Variants in SETBP1 observed in about 807,000 individuals in gnomAD.
The protein encoded by SETBP1 is SET-binding protein.
Under a neutral mutation model 101.0 loss-of-function variants are expected in SETBP1, and 9 were observed. That is an observed-to-expected ratio of 0.09 (90% CI 0.05 to 0.16). SETBP1 has a LOEUF of 0.16. SETBP1 is among the 10% of genes least tolerant of loss of function. SETBP1 has a pLI of 1.00. For synonymous variants in SETBP1, 818 were observed against 788.5 expected (o/e 1.04, Z -0.63); for missense variants, 1,858 against 2,033.8 (o/e 0.91, Z 1.66).
At chr18:44,905,561 A>G (rs1210689985) in intron 3 of SETBP1, among the ~76,000 whole-genome samples, 3 of 142,428 alleles carry the variant, frequency 2.1e-5, no homozygotes, top group Non-Finnish European at 4.6e-5. Context: ...TTCCTGAGAA[A>G]TAAAAGGGTT....
chr18:44,764,067 G>A (rs1237276754), intron 2 of SETBP1, among the ~76,000 whole-genome samples: 2 of 152,204 alleles, frequency 1.3e-5, no homozygotes, highest in Non-Finnish European at 1.5e-5. Flanking sequence ...TAAACCATCA[G>A]TCAAATTAGG....
chr18:44,841,618 A>G (rs553956414), intron 2 of SETBP1, among the ~76,000 whole-genome samples: 3 of 152,352 alleles, frequency 2.0e-5, no homozygotes, highest in Admixed American at 6.5e-5. Flanking sequence ...TGCCTCATCA[A>G]CTAGTCTCAT....
intron 2 of SETBP1, among the ~76,000 whole-genome samples, chr18:44,819,641 C>T (rs2072061760): frequency 6.6e-6 from 1 of 152,140 alleles, no homozygotes. Flanking sequence ...CATCCAGGCC[C>T]TGTGACTGCA....
chr18:44,763,840 A>C (rs1277466479), intron 2 of SETBP1, among the ~76,000 whole-genome samples: 1 of 152,048 alleles, frequency 6.6e-6, no homozygotes, highest in East Asian at 1.9e-4. Context: ...TCCTTTTCTG[A>C]ATCCTTTGCT....
At chr18:45,047,619 C>T (rs532134880) in intron 5 of SETBP1, among the ~76,000 whole-genome samples, 1 of 152,242 alleles carries the variant, frequency 6.6e-6, no homozygotes, top group South Asian at 2.1e-4. Context: ...GCATAGTGAG[C>T]CCAGCTGCAG....
intron 1 of SETBP1, among the ~76,000 whole-genome samples, chr18:44,683,520 T>G (rs2068792015): frequency 6.6e-6 from 1 of 152,218 alleles, no homozygotes; most frequent in Non-Finnish European, 1.5e-5. Flanking sequence ...AGGGGATGAA[T>G]CGATACTTGT....
chr18:44,996,608 A>G (rs945006914), intron 4 of SETBP1, among the ~76,000 whole-genome samples: 1 of 152,242 alleles, frequency 6.6e-6, no homozygotes, highest in Non-Finnish European at 1.5e-5. Context: ...TGATTTCCAA[A>G]GGGCTTTCCC....
At chr18:44,854,245 A>T (rs2072928883) in intron 2 of SETBP1, among the ~76,000 whole-genome samples, 1 of 152,110 alleles carries the variant, frequency 6.6e-6, no homozygotes, top group South Asian at 2.1e-4. Flanking sequence ...GAGAGGGGGA[A>T]ATGAATCTTC....
At chr18:44,787,469 G>A (rs2071262073) in intron 2 of SETBP1, among the ~76,000 whole-genome samples, 1 of 152,190 alleles carries the variant, frequency 6.6e-6, no homozygotes, top group African/African-American at 2.4e-5. Flanking sequence ...TTATGAGATA[G>A]ATGAATTACT....
At chr18:44,894,515 A>T (rs1405674383) in intron 3 of SETBP1, among the ~76,000 whole-genome samples, 4 of 152,136 alleles carry the variant, frequency 2.6e-5, no homozygotes, top group Admixed American at 2.6e-4. Flanking sequence ...GTGCTCAGAT[A>T]AAAATCATTA....
intron 4 of SETBP1, among the ~76,000 whole-genome samples, chr18:44,976,949 TA>T (rs1006903149): frequency 6.6e-6 from 1 of 152,228 alleles, no homozygotes; most frequent in African/African-American, 2.4e-5. Flanking sequence ...TCTGTATCTC[TA>T]AAATGGGGGA....
chr18:44,749,442 T>A (rs182091501), intron 2 of SETBP1, among the ~76,000 whole-genome samples: 38 of 152,294 alleles, frequency 2.5e-4, no homozygotes, highest in Admixed American at 1.6e-3. Context: ...GCTTTCTGCC[T>A]GTGCCATTCT....
intron 4 of SETBP1, among the ~76,000 whole-genome samples, chr18:44,977,577 A>G (rs1415142776): frequency 6.6e-6 from 1 of 152,268 alleles, no homozygotes; most frequent in South Asian, 2.1e-4. Context: ...GTGTTGCCTG[A>G]ACATTGACTT....
At chr18:44,923,292 A>G (rs2070623077) in intron 3 of SETBP1, among the ~76,000 whole-genome samples, 2 of 152,194 alleles carry the variant, frequency 1.3e-5, no homozygotes, top group Admixed American at 1.3e-4. Context: ...CATTTGTGTA[A>G]CTTTAACTCC....
intron 4 of SETBP1, among the ~76,000 whole-genome samples, chr18:44,998,599 C>T (rs1028672683): frequency 9.9e-5 from 15 of 152,202 alleles, no homozygotes; most frequent in East Asian, 5.8e-4. Flanking sequence ...CTGTAGATAG[C>T]GCTCTAGGCC....
rs2145188146 is a variant in SETBP1, at chr18:44,970,090, A to G, written c.4000+16750A>G. 2 of 154,950 alleles carry G rather than the reference A, an allele frequency of 1.3e-5. 1 individual carries two copies. Among genetic ancestry groups the G allele is most frequent in the Middle Eastern group, 1.0e-3 (2 of 1,926 alleles). The allele number at this position is 154,950 out of a possible 1,614,324, so 9.6% of individuals were successfully genotyped here. A position where few individuals can be genotyped will look rare whatever the true frequency, so the allele number is the denominator to read the frequency against. On this transcript the variant is annotated intron_variant, in intron 4 of 5. Transcript: ENST00000649279. ...ATGTGCATTTTCTCCTTTGACCATC[A>G]TAGCCCCATGAGCTGAGCACTCATA...
At chr18:44,963,480 T>A (rs564513646) in intron 4 of SETBP1, among the ~76,000 whole-genome samples, 4 of 152,314 alleles carry the variant, frequency 2.6e-5, no homozygotes, top group Admixed American at 6.5e-5. Context: ...AGAATATTCT[T>A]ATTTGCTAAA....
intron 2 of SETBP1, among the ~76,000 whole-genome samples, chr18:44,720,189 G>A (rs1210761774): frequency 6.6e-6 from 1 of 152,154 alleles, no homozygotes; most frequent in Non-Finnish European, 1.5e-5. Flanking sequence ...CTAACCACCT[G>A]TGTTTCCTCA....
intron 5 of SETBP1, among the ~76,000 whole-genome samples, chr18:45,044,371 G>C (rs1315175633): frequency 6.6e-6 from 1 of 152,154 alleles, no homozygotes; most frequent in Non-Finnish European, 1.5e-5. Context: ...CTCACAAAAT[G>C]AGCCCGTTTG....
Sources: gnomAD v4.1 joint callset for allele counts (sites outside exome capture counted in the v4.1 genomes callset) on GRCh38, gnomAD v4.1.1 for gene constraint, MANE v1.5 for transcripts, NCBI Gene and HGNC (gene_info 2026-07-23, HGNC 2026-07-21) for gene names.